ARMH3: variants seen among roughly 807,000 people sequenced by gnomAD.
ARMH3 encodes armadillo-like helical domain-containing protein 3.
In ARMH3, 60 loss-of-function variants were observed where a neutral mutation model predicts 99.1. That is an observed-to-expected ratio of 0.61 (90% CI 0.49 to 0.75). ARMH3 has a LOEUF of 0.75. Ranked by LOEUF, ARMH3 falls within the 30% of genes least tolerant of loss-of-function variation. ARMH3 has a pLI of 0.00. For synonymous variants in ARMH3, 285 were observed against 292.8 expected, an observed-to-expected ratio of 0.97 and a Z score of 0.27; for missense variants, 679 against 843.1, an observed-to-expected ratio of 0.81 and a Z score of 2.41.
intron 2 of ARMH3, among the ~76,000 whole-genome samples, chr10:102,034,549 T>C (rs567171927): frequency 6.6e-6 from 1 of 150,394 alleles, no homozygotes; most frequent in African/African-American, 2.4e-5. Context: ...GGCAGGAGAA[T>C]GGCGTGAACC....
chr10:101,975,604 G>T (rs557631722), intron 19 of ARMH3, among the ~76,000 whole-genome samples: 1 of 152,038 alleles, frequency 6.6e-6, no homozygotes, highest in Non-Finnish European at 1.5e-5. Flanking sequence ...GGTGGTGCAC[G>T]CCTGTAATCC....
chr10:101,930,194 A>G (rs1171079709), intron 23 of ARMH3, among the ~76,000 whole-genome samples: 1 of 152,152 alleles, frequency 6.6e-6, no homozygotes, highest in East Asian at 1.9e-4. Context: ...CGTTTTATCA[A>G]TAGAATAAGA....
chr10:101,859,415 C>CTG (rs2066811605), intron 24 of ARMH3, among the ~76,000 whole-genome samples: 1 of 152,220 alleles, frequency 6.6e-6, no homozygotes, highest in African/African-American at 2.4e-5. Flanking sequence ...TAGACTCCAT[C>CTG]AGGGCAATCA....
chr10:101,956,758 A>C, intron 21 of ARMH3, 35 bp from the exon 22 acceptor site: 1 of 1,602,050 alleles, frequency 6.2e-7, no homozygotes, highest in South Asian at 1.1e-5. Context: ...TATAGGCATC[A>C]GGCTATGAAG....
At chr10:101,874,851 C>T (rs552745753) in intron 24 of ARMH3, among the ~76,000 whole-genome samples, 1 of 152,082 alleles carries the variant, frequency 6.6e-6, no homozygotes, top group African/African-American at 2.4e-5. Context: ...ATCTGTCCTT[C>T]TTAGGCTTAC....
intron 24 of ARMH3, among the ~76,000 whole-genome samples, chr10:101,863,308 A>G (rs2066916354): frequency 6.6e-6 from 1 of 152,252 alleles, no homozygotes; most frequent in Non-Finnish European, 1.5e-5. Context: ...AATATAGAGC[A>G]AAATTTTGTA....
intron 8 of ARMH3, among the ~76,000 whole-genome samples, chr10:102,021,904 G>A (rs975078697): frequency 1.3e-5 from 2 of 151,586 alleles, no homozygotes; most frequent in African/African-American, 2.4e-5. Flanking sequence ...GAGTAAGACT[G>A]GTCTCAAATT....
In ARMH3 at chr10:102,033,665, G is replaced by T. The variant is rs181953336; in HGVS notation, c.103-326C>A. 2.6e-5 allele frequency among the ~76,000 whole-genome samples: 4 copies of T among 152,204 alleles called. No individual in the cohort carries two copies. The East Asian group carries it at 7.7e-4, about 29-fold the overall frequency. On this transcript the variant is annotated intron_variant, in intron 2 of 25. Transcript: ENST00000370033. ...GATCTCCTGACCTCATGATCCGCCC[G>T]CCTCAGACTCCCAAAGTGCTGGGAT...
intron 22 of ARMH3, among the ~76,000 whole-genome samples, chr10:101,948,105 C>T (rs568663724): frequency 1.1e-4 from 17 of 152,160 alleles, no homozygotes; most frequent in Admixed American, 5.2e-4. Flanking sequence ...TATTGATTAT[C>T]GCATTGTAAA....
Position 101,992,457 on chromosome 10 carries a change from C to CA in ARMH3, c.1276-420dup, listed in dbSNP as rs1175614478. 4.0e-5 allele frequency among the ~76,000 whole-genome samples: 6 copies of CA among 148,164 alleles called. No individual in the cohort carries two copies. In the East Asian group the frequency reaches 7.8e-4, roughly 19 times the overall value. Reference sequence around the variant, plus strand: ...ATAGAAGCAGCAACAGTAGTAGTTGCAAAAAAATAAAGAAAGTTTTACATC... The same window carrying CA: ...ATAGAAGCAGCAACAGTAGTAGTTGCAAAAAAAATAAAGAAAGTTTTACATC... On this transcript the variant is annotated intron_variant, in intron 17 of 25. Coordinates refer to ENST00000370033, the MANE Select transcript of ARMH3 (RefSeq NM_024541.3).
intron 23 of ARMH3, among the ~76,000 whole-genome samples, chr10:101,897,977 C>T (rs1215349181): frequency 6.6e-6 from 1 of 152,182 alleles, no homozygotes; most frequent in East Asian, 1.9e-4. Context: ...AAGCAGCTCT[C>T]TTTTCCCAAG....
intron 24 of ARMH3, among the ~76,000 whole-genome samples, chr10:101,885,918 G>A (rs1379899090): frequency 1.2e-4 from 18 of 152,064 alleles, no homozygotes; most frequent in Middle Eastern, 3.4e-3. Flanking sequence ...TTAGCTGAGC[G>A]TGGTGGTGGG....
At chr10:101,895,268 C>G (rs946851748) in intron 23 of ARMH3, among the ~76,000 whole-genome samples, 1 of 150,604 alleles carries the variant, frequency 6.6e-6, no homozygotes, top group Non-Finnish European at 1.5e-5. Flanking sequence ...GGTCTAAAAA[C>G]GATAAAATTC....
intron 1 of ARMH3, among the ~76,000 whole-genome samples, 155 bp downstream of exon 1, chr10:102,055,930 C>G (rs1363254858): frequency 6.6e-6 from 1 of 152,220 alleles, no homozygotes; most frequent in South Asian, 2.1e-4. Context: ...GCTTCAGCAG[C>G]CGTCCTCCCT....
At chr10:101,994,937 G>C (rs551264530) in intron 16 of ARMH3, among the ~76,000 whole-genome samples, 1 of 152,174 alleles carries the variant, frequency 6.6e-6, no homozygotes, top group East Asian at 1.9e-4. Flanking sequence ...TAGAGGGGCC[G>C]AGGCACGAGG....
intron 22 of ARMH3, among the ~76,000 whole-genome samples, chr10:101,953,145 C>T (rs1204935106): frequency 1.3e-5 from 2 of 152,048 alleles, no homozygotes; most frequent in Non-Finnish European, 2.9e-5. Flanking sequence ...TTTGTTTTTT[C>T]TTGAGATAGG....
intron 20 of ARMH3, among the ~76,000 whole-genome samples, chr10:101,970,980 C>T (rs1418614931): frequency 6.6e-6 from 1 of 151,200 alleles, no homozygotes; most frequent in African/African-American, 2.4e-5. Context: ...ATCTATGGTC[C>T]CACCTGCTCA....
intron 23 of ARMH3, among the ~76,000 whole-genome samples, chr10:101,932,532 A>T (rs1347340029): frequency 6.6e-6 from 1 of 152,256 alleles, no homozygotes. Context: ...TTGACACGAA[A>T]ATGGAGAAAC....
chr10:102,046,600 C>T (rs780666465), intron 1 of ARMH3, among the ~76,000 whole-genome samples: 1 of 152,036 alleles, frequency 6.6e-6, no homozygotes, highest in Admixed American at 6.6e-5. Flanking sequence ...TGCAGTGAGC[C>T]GAGATTGCAC....
Sources: gnomAD v4.1 joint callset for allele counts (sites outside exome capture counted in the v4.1 genomes callset) on GRCh38, gnomAD v4.1.1 for gene constraint, MANE v1.5 for transcripts, NCBI Gene and HGNC (gene_info 2026-07-23, HGNC 2026-07-21) for gene names.